CACNA1F: variants seen among roughly 807,000 people sequenced by gnomAD.
The protein encoded by CACNA1F is calcium voltage-gated channel subunit alpha1 F.
In CACNA1F, 59 loss-of-function variants were observed where a neutral mutation model predicts 143.8. The observed-to-expected ratio is 0.41, with a 90% CI of 0.33 to 0.51. The LOEUF is 0.51. Ranked by LOEUF, CACNA1F falls within the 20% of genes least tolerant of loss-of-function variation. The probability of loss-of-function intolerance (pLI) is 0.22; values close to 1 mark genes in which losing one functional copy is unlikely to be tolerated. For synonymous variants in CACNA1F, 643 were observed against 649.1 expected (o/e 0.99, Z 0.14); for missense variants, 1,411 against 1,647.5 (o/e 0.86, Z 2.48).
rs1557104914 is a variant in CACNA1F, at chrX:49,206,551, G to A, written c.5432C>T (p.Thr1811Ile). 4 of 1,209,187 alleles carry A rather than the reference G, an allele frequency of 3.3e-6. No homozygotes were observed. The highest frequency in any genetic ancestry group is 3.0e-5 in the East Asian group (1 of 33,770). The change falls in exon 46 of 48, where the codon ACC becomes ATC. Residue 1811 changes from threonine (T) to isoleucine (I), a missense_variant. Thr to Ile is a moderately conservative substitution (Grantham distance 89). Transcript: ENST00000323022. ...GSCEDLPIPG[T>I]YHRGRNSGPN... ...CCCTGAATTTCGCCCACGATGATAG[G>A]TGCCTGGGATGGGTAAATCCTCACA... is the stretch of plus-strand genomic sequence containing the variant.
In CACNA1F at chrX:49,228,361, G is replaced by A. The variant is rs139612152; in HGVS notation, c.904C>T (p.Arg302Cys). 6.3e-5 allele frequency: 76 copies of A among 1,208,978 alleles called. No individual in the cohort carries two copies. In the African/African-American group the frequency reaches 9.0e-4, roughly 14 times the overall value. The change falls in exon 7 of 48, where the codon CGC (arginine) becomes TGC (cysteine). Residue 302 changes from arginine to cysteine, a missense_variant. Coordinates refer to ENST00000323022, the MANE Select transcript of CACNA1F (RefSeq NM_001256789.3). Reference protein sequence around the residue: ...CTLNQTECRGRWPGPNGGITN... With the variant: ...CTLNQTECRGCWPGPNGGITN... Reference sequence around the variant, plus strand: ...ATGCCTCCATTGGGCCCTGGCCAGCGCCCGCGGCACTCAGTCTGGTTCAGC... The same window carrying A: ...ATGCCTCCATTGGGCCCTGGCCAGCACCCGCGGCACTCAGTCTGGTTCAGC...
At chrX:49,218,802 G>A (rs1429142051) in intron 22 of CACNA1F, 67 bp from the exon 23 acceptor site, 1 of 1,013,338 alleles carries the variant, frequency 9.9e-7, no homozygotes, top group African/African-American at 1.9e-5. Flanking sequence ...GTGGGGATGG[G>A]GACAGGAGAG....
At chrX:49,216,890 A>G (rs1557107553) in intron 26 of CACNA1F, among the ~76,000 whole-genome samples, 1 of 111,725 alleles carries the variant, frequency 9.0e-6, no homozygotes, top group East Asian at 2.8e-4. Context: ...ATAATAGCCA[A>G]CGTTTATTAG....
intron 1 of CACNA1F, 37 bp from the exon 2 acceptor site, chrX:49,231,964 T>C: frequency 8.8e-7 from 1 of 1,138,292 alleles, no homozygotes; most frequent in East Asian, 3.2e-5. Context: ...GGACAGGGTA[T>C]TGGGGCAATT....
In CACNA1F at chrX:49,215,205, G is replaced by A. The variant is rs376061476; in HGVS notation, c.3478C>T (p.Arg1160Cys). The A allele has an allele frequency of 1.9e-5, 23 of 1,208,486 alleles. No homozygotes were observed. The highest frequency in any genetic ancestry group is 1.4e-4 in the South Asian group (8 of 56,700). The change falls in exon 29 of 48, where the codon CGC becomes TGC. Residue 1160 changes from arginine (R) to cysteine (C), a missense_variant. Physicochemically the swap from Arg to Cys is radical, Grantham distance 180 (BLOSUM62 -3). This residue lies in a region of CACNA1F where 950 missense variants were observed against 1,128.1 expected (regional missense o/e 0.84). Coordinates refer to ENST00000323022, the MANE Select transcript of CACNA1F (RefSeq NM_001256789.3). ...VEYALKAQPLRRYIPKNPHQY... is the reference protein window; with the variant it reads ...VEYALKAQPLCRYIPKNPHQY... ...TGCGGGTTCTTGGGGATGTAACGGC[G>A]GAGTGGCTGGGCCTTGAGGGCATAT...
chrX:49,217,837 C>T lies in CACNA1F; in HGVS notation c.3037-30G>A, dbSNP rs2065733290. The stretch of plus-strand genomic sequence containing the variant: ...AGAGAGGATGTCTGTCAAGTAGGTT[C>T]ACCCTTCATCACACTCCCGCCCAGA... On this transcript the variant is annotated intron_variant, in intron 25 of 47. Coordinates refer to ENST00000323022, the MANE Select transcript of CACNA1F (RefSeq NM_001256789.3). 8.4e-7 allele frequency: 1 copy of T among 1,191,263 alleles called. No homozygotes were observed. The highest frequency in any genetic ancestry group is 1.8e-5 in the South Asian group (1 of 56,500).
At chrX:49,217,349 A>C (rs781900797) in intron 26 of CACNA1F, among the ~76,000 whole-genome samples, 1 of 112,993 alleles carries the variant, frequency 8.9e-6, no homozygotes, top group South Asian at 3.6e-4. Flanking sequence ...GCCTTGTGAG[A>C]TAGGCACTGT....
chrX:49,225,068 AC>A, intron 13 of CACNA1F, 82 bp from the exon 14 acceptor site: 1 of 630,090 alleles, frequency 1.6e-6, no homozygotes, highest in South Asian at 2.4e-5. Context: ...CCATGGGGTG[AC>A]CCACGGTAGC....
chrX:49,210,397 C>G lies in CACNA1F; in HGVS notation c.4492G>C (p.Val1498Leu), dbSNP rs781901855. ...CPHRVACKRL[V>L]AMNMPLNSDG... ...GAGTTGAGGGGCATGTTCATTGCCA[C>G]AAGTCTCTGCAAACACGAGAGACAT... is the stretch of plus-strand genomic sequence containing the variant. The change falls in exon 39 of 48, where the codon GTG becomes CTG. Residue 1498 changes from valine (V) to leucine (L), a missense_variant. By Grantham distance (32) the Val-to-Leu change is conservative. Coordinates refer to ENST00000323022, the MANE Select transcript of CACNA1F (RefSeq NM_001256789.3). 1.7e-6 allele frequency: 2 copies of G among 1,188,830 alleles called. No homozygotes were observed. The highest frequency in any genetic ancestry group is 4.4e-5 in the Admixed American group (2 of 45,782).
At chrX:49,233,219 C>CCA in intron 1 of CACNA1F, 66 bp downstream of exon 1, 1 of 894,096 alleles carries the variant, frequency 1.1e-6, no homozygotes, top group Non-Finnish European at 1.5e-6. Flanking sequence ...TCTGGGTGGG[C>CCA]AATGGGTGGG....
In CACNA1F at chrX:49,219,469, C is replaced by T. The variant is rs2065753716; in HGVS notation, c.2544-19G>A. 1 of 1,204,823 alleles carries T rather than the reference C, an allele frequency of 8.3e-7. No homozygotes were observed. Among genetic ancestry groups the T allele is most frequent in the Non-Finnish European group, 1.1e-6 (1 of 892,017 alleles). On this transcript the variant is annotated intron_variant, in intron 20 of 47. Transcript: ENST00000323022. ...CCTCAGCCTGTGGAGAGGGAGTGGG[C>T]CATGGTCAGAACTCAGGACCACAGA...
chrX:49,210,860 A>C lies in CACNA1F; in HGVS notation c.4388+105T>G. The C allele has an allele frequency of 1.1e-5, 11 of 958,423 alleles. No individual in the cohort carries two copies. The South Asian group carries it at 1.4e-4, about 13-fold the overall frequency. 79.0% of individuals were successfully genotyped at this position (958,423 alleles called of 1,213,427 possible). ...GGGCAGTGGAAACTTTGGGGCATCTATTGACTGGGTAATGAGATGCAGCAG... is the reference window on the plus strand; with the variant it reads ...GGGCAGTGGAAACTTTGGGGCATCTCTTGACTGGGTAATGAGATGCAGCAG... On this transcript the variant is annotated intron_variant, in intron 37 of 47. Coordinates refer to ENST00000323022, the MANE Select transcript of CACNA1F (RefSeq NM_001256789.3).
At position 49,219,743 on chromosome X, in the gene CACNA1F, C is replaced by T; in HGVS notation, c.2434G>A (p.Glu812Lys). Reference protein sequence around the residue: ...EEEEEEEEEEEEEGAGGVELL... With the variant: ...EEEEEEEEEEKEEGAGGVELL... Reference sequence around the variant, plus strand: ...TCCACACCCCCTGCACCCTCTTCCTCTTCTTCCTCTTCTTCCTCTTCTTCC... The same window carrying T: ...TCCACACCCCCTGCACCCTCTTCCTTTTCTTCCTCTTCTTCCTCTTCTTCC... Residue 812 changes from glutamate (E) to lysine (K), a missense_variant, in exon 20 of 48, where the codon GAG (glutamate) becomes AAG (lysine). By Grantham distance (56) the Glu-to-Lys change is moderately conservative (BLOSUM62 1). Coordinates refer to ENST00000323022, the MANE Select transcript of CACNA1F (RefSeq NM_001256789.3). 2 of 1,100,442 alleles carry T rather than the reference C, an allele frequency of 1.8e-6. No individual in the cohort carries two copies. Among genetic ancestry groups the T allele is most frequent in the Non-Finnish European group, 2.5e-6 (2 of 814,738 alleles). The allele number at this position is 1,100,442 out of a possible 1,213,427, so 90.7% of individuals were successfully genotyped here. A position where few individuals can be genotyped will look rare whatever the true frequency, so the allele number is the denominator to read the frequency against.
At position 49,230,441 on chromosome X, in the gene CACNA1F, C is replaced by T. The variant is rs782587585; in HGVS notation, c.664+26G>A. The T allele has an allele frequency of 3.3e-6, 4 of 1,206,576 alleles. No individual in the cohort carries two copies. The Admixed American group carries it at 6.6e-5, about 20-fold the overall frequency. On this transcript the variant is annotated intron_variant, in intron 5 of 47. Transcript: ENST00000323022. ...TCAGCCCCACCCCCACCCTCCACCTCCGACCTCGGGGGATGTGCCACTCAC... is the reference window on the plus strand; with the variant it reads ...TCAGCCCCACCCCCACCCTCCACCTTCGACCTCGGGGGATGTGCCACTCAC...
intron 14 of CACNA1F, among the ~76,000 whole-genome samples, chrX:49,223,694 C>G: frequency 1.0e-5 from 1 of 97,990 alleles, no homozygotes; most frequent in South Asian, 4.9e-4. Context: ...TAATGGGAGA[C>G]TGGGAGATGA....
chrX:49,214,886 C>T (rs1205169854), intron 29 of CACNA1F, among the ~76,000 whole-genome samples, 200 bp downstream of exon 29: 9 of 109,890 alleles, frequency 8.2e-5, no homozygotes, highest in African/African-American at 2.6e-4. Flanking sequence ...CACATTCTTA[C>T]ATCTCCGAAA....
At chrX:49,229,658 C>T (rs1280067415) in intron 6 of CACNA1F, among the ~76,000 whole-genome samples, 1 of 109,305 alleles carries the variant, frequency 9.1e-6, no homozygotes, top group African/African-American at 3.4e-5. Context: ...CTCGCTCTGT[C>T]GCCCAGGCTG....
Position 49,205,652 on chromosome X carries a change from A to G in CACNA1F, c.5634T>C (p.His1878=), listed in dbSNP as rs781975956. Residue 1878 remains histidine (H), a synonymous_variant, in exon 47 of 48, where the codon CAT becomes CAC. Coordinates refer to ENST00000323022, the MANE Select transcript of CACNA1F (RefSeq NM_001256789.3). The part of the protein sequence containing the change: ...HVPGTHSDPS[H]GKRGSADSLV... ...AGCTGTCGGCACTGCCCCTCTTCCC[A>G]TGGCTGGGGTCCGAGTGGGTTCCAG... is the stretch of plus-strand genomic sequence containing the variant. 1 of 1,204,400 alleles carries G rather than the reference A, an allele frequency of 8.3e-7. No individual in the cohort carries two copies. The highest frequency in any genetic ancestry group is 1.8e-5 in the South Asian group (1 of 55,710).
intron 26 of CACNA1F, among the ~76,000 whole-genome samples, chrX:49,217,175 T>A (rs782805091): frequency 8.9e-6 from 1 of 112,525 alleles, no homozygotes; most frequent in Non-Finnish European, 1.9e-5. Context: ...ACTAGGCTGG[T>A]GTCGAACTCC....
Sources: gnomAD v4.1 joint callset for allele counts (sites outside exome capture counted in the v4.1 genomes callset) on GRCh38, gnomAD v4.1.1 for gene constraint, gnomAD v4.1.1 regional missense constraint, MANE v1.5 for transcripts, NCBI Gene and HGNC (gene_info 2026-07-23, HGNC 2026-07-21) for gene names.